Variants in TRANK1 observed in about 807,000 individuals in gnomAD.
The protein encoded by TRANK1 is tetratricopeptide repeat and ankyrin repeat containing 1.
In TRANK1, 198 loss-of-function variants were observed where a neutral mutation model predicts 266.0. The observed-to-expected ratio is 0.74, with a 90% CI of 0.66 to 0.84. The LOEUF is 0.84. Among genes scored for constraint, TRANK1 ranks in the 40% least tolerant of loss-of-function variants. The pLI, the probability that TRANK1 is intolerant of heterozygous loss-of-function variation, is 0.00. For missense variants in TRANK1, 3,326 were observed against 3,634.6 expected (o/e 0.92, Z 2.18); for synonymous variants, 1,396 against 1,384.1 (o/e 1.01, Z -0.19).
intron 9 of TRANK1, among the ~76,000 whole-genome samples, chr3:36,865,345 C>T (rs1048093839): frequency 1.3e-5 from 2 of 151,944 alleles, no homozygotes; most frequent in East Asian, 1.9e-4. Flanking sequence ...TTTTAAGCCA[C>T]GAAAATTGGA....
chr3:36,832,161 G>T lies in TRANK1; in HGVS notation c.7422C>A (p.Val2474=). ...TGTAGCTCTTGGGGAGGCATAGAATGACATTCTTCCAGAGGCGGGCCAGCA... is the reference window on the plus strand; with the variant it reads ...TGTAGCTCTTGGGGAGGCATAGAATTACATTCTTCCAGAGGCGGGCCAGCA... ...GVVLARLWKN[V]ILCLPKSYIA... Residue 2474 remains valine (V), a synonymous_variant, in exon 22 of 24, where the codon GTC becomes GTA. Coordinates refer to ENST00000645898, the MANE Select transcript of TRANK1 (RefSeq NM_001329998.2). The T allele has an allele frequency of 6.2e-7, 1 of 1,613,976 alleles. No homozygotes were observed. Among genetic ancestry groups the T allele is most frequent in the Non-Finnish European group, 8.5e-7 (1 of 1,179,886 alleles).
intron 2 of TRANK1, among the ~76,000 whole-genome samples, chr3:36,906,473 C>A (rs974917934): frequency 1.3e-5 from 2 of 152,140 alleles, no homozygotes; most frequent in Non-Finnish European, 2.9e-5. Flanking sequence ...AAATACTGTT[C>A]TTTTTATGGA....
Position 36,856,748 on chromosome 3 carries a change from T to C in TRANK1, c.2974A>G (p.Ile992Val), listed in dbSNP as rs2079060910. The change falls in exon 13 of 24, where the codon ATA (isoleucine) becomes GTA (valine). Residue 992 changes from isoleucine to valine, a missense_variant. By Grantham distance (29) the Ile-to-Val change is conservative. Coordinates refer to ENST00000645898, the MANE Select transcript of TRANK1 (RefSeq NM_001329998.2). ...GTGTCCTCCACATAGCAGCGAGGTA[T>C]ACGCTTTTGAATTTTCATGTTAGCT... is the stretch of plus-strand genomic sequence containing the variant. ...VSANMKIQKR[I>V]PRCYVEDTEA... 3.7e-6 allele frequency: 6 copies of C among 1,614,012 alleles called. No individual in the cohort carries two copies. The highest frequency in any genetic ancestry group is 1.7e-5 in the Admixed American group (1 of 60,034).
At chr3:36,892,175 AG>A (rs2079707748) in intron 7 of TRANK1, 26 bp downstream of exon 7, 3 of 1,534,598 alleles carry the variant, frequency 2.0e-6, no homozygotes. Context: ...GGCAGCTTGG[AG>A]GGTGGAAAAC....
intron 1 of TRANK1, among the ~76,000 whole-genome samples, chr3:36,912,340 T>G (rs1249294119): frequency 6.6e-6 from 1 of 152,160 alleles, no homozygotes; most frequent in Non-Finnish European, 1.5e-5. Context: ...GGCCTCACTT[T>G]AAGAGCCAAA....
chr3:36,861,606 A>G (rs1027698494), intron 10 of TRANK1, among the ~76,000 whole-genome samples: 8 of 152,264 alleles, frequency 5.3e-5, no homozygotes, highest in Non-Finnish European at 1.0e-4. Context: ...TTGATTTTTT[A>G]TCATGATAAA....
At chr3:36,853,836 T>A (rs2079015335) in intron 13 of TRANK1, among the ~76,000 whole-genome samples, 1 of 152,204 alleles carries the variant, frequency 6.6e-6, no homozygotes. Flanking sequence ...AACAGAAAGA[T>A]GAGTTGTCAC....
At chr3:36,850,910 G>A (rs2078977157) in intron 15 of TRANK1, 4 of 985,510 alleles carry the variant, frequency 4.1e-6, no homozygotes, top group Non-Finnish European at 3.6e-6. Context: ...AAGGAAGTCT[G>A]CAACAAGGAC....
In TRANK1 at chr3:36,833,598, G is replaced by A. The variant is rs182527331; in HGVS notation, c.5985C>T (p.Ala1995=). The change falls in exon 22 of 24, where the codon GCC becomes GCT. Residue 1995 remains alanine (A), a synonymous_variant. Coordinates refer to ENST00000645898, the MANE Select transcript of TRANK1 (RefSeq NM_001329998.2). ...KDFQASCLLG[A]ARLNVARDSD... is the part of the protein sequence containing the mutation. ...AATCCCTGGCCACATTGAGGCGGGC[G>A]GCCCCCAGCAGACATGAGGCCTGGA... 275 of 1,613,794 alleles carry A rather than the reference G, an allele frequency of 1.7e-4. 1 individual carries two copies. The African/African-American group carries it at 1.8e-3, about 11-fold the overall frequency.
chr3:36,931,262 T>G (rs1223306472), intron 1 of TRANK1, among the ~76,000 whole-genome samples: 1 of 143,310 alleles, frequency 7.0e-6, no homozygotes, highest in Non-Finnish European at 1.6e-5. Flanking sequence ...AACAAAATAT[T>G]AAGTGTTAAA....
At chr3:36,876,856 T>A (rs2079396940) in intron 8 of TRANK1, among the ~76,000 whole-genome samples, 1 of 152,188 alleles carries the variant, frequency 6.6e-6, no homozygotes, top group Non-Finnish European at 1.5e-5. Flanking sequence ...CCAAGACAGA[T>A]GTAATGATCC....
In TRANK1 at chr3:36,831,897, T is replaced by C; in HGVS notation, c.7686A>G (p.Thr2562=). 6.2e-7 allele frequency: 1 copy of C among 1,614,004 alleles called. No individual in the cohort carries two copies. The highest frequency in any genetic ancestry group is 2.2e-5 in the East Asian group (1 of 44,886). Residue 2562 remains threonine, a synonymous_variant, in exon 22 of 24, where the codon ACA becomes ACG. Coordinates refer to ENST00000645898, the MANE Select transcript of TRANK1 (RefSeq NM_001329998.2). The surrounding 1 kb of genome is among the most constrained non-coding windows in gnomAD (Gnocchi z 5.0). ...CTAGCATCACCAAGCACAGCACCAG[T>C]GTCCGCTCAGCCTCACCCGAGACCA... ...DYVVSGEAER[T]LVLCLVMLVN...
chr3:36,919,715 T>C (rs1236131405), intron 1 of TRANK1, among the ~76,000 whole-genome samples: 1 of 152,250 alleles, frequency 6.6e-6, no homozygotes, highest in Non-Finnish European at 1.5e-5. Flanking sequence ...TGAACCAATT[T>C]ATACTCCCAA....
At chr3:36,941,040 C>T (rs191727776) in intron 1 of TRANK1, among the ~76,000 whole-genome samples, 1 of 152,312 alleles carries the variant, frequency 6.6e-6, no homozygotes, top group Non-Finnish European at 1.5e-5. Context: ...CTGGTGGCCA[C>T]AGCTGAACAT....
intron 1 of TRANK1, among the ~76,000 whole-genome samples, chr3:36,918,639 G>GAAAGAAAGAAAGAAAGAAAGAAAGAA (rs373479495): frequency 7.7e-6 from 1 of 129,924 alleles, no homozygotes; most frequent in African/African-American, 3.0e-5. Flanking sequence ...AAGAAAGAAA[G>GAAAGAAAGAAAGAAAGAAAGAAAGAA]AGAAAGAAAG....
intron 2 of TRANK1, 135 bp from the exon 3 acceptor site, chr3:36,903,410 A>T (rs1287252657): frequency 8.7e-6 from 10 of 1,147,302 alleles, no homozygotes; most frequent in Non-Finnish European, 1.1e-5. Flanking sequence ...TGCTTATCAG[A>T]TCAGTCTCCC....
At chr3:36,917,766 G>A (rs2125643895) in intron 1 of TRANK1, among the ~76,000 whole-genome samples, 1 of 152,274 alleles carries the variant, frequency 6.6e-6, no homozygotes, top group South Asian at 2.1e-4. Context: ...CCAAAGGAAA[G>A]AAAATGGGAT....
chr3:36,880,904 C>T (rs1245600036), intron 8 of TRANK1, among the ~76,000 whole-genome samples: 6 of 118,034 alleles, frequency 5.1e-5, no homozygotes, highest in Non-Finnish European at 8.5e-5. Context: ...CCCCACCCCA[C>T]AACAGTCCCC....
chr3:36,895,563 A>G (rs1390769285), intron 5 of TRANK1, 77 bp downstream of exon 5: 6 of 839,364 alleles, frequency 7.1e-6, no homozygotes, highest in East Asian at 3.0e-5. Flanking sequence ...ATAAATTACA[A>G]TCCCTCAATG....
Sources: allele counts gnomAD v4.1 joint callset (sites outside exome capture counted in the v4.1 genomes callset), GRCh38; gene constraint gnomAD v4.1.1; non-coding constraint Gnocchi (gnomAD v3.1); transcripts MANE v1.5; gene names NCBI Gene and HGNC (gene_info 2026-07-23, HGNC 2026-07-21).